HTRA1: variants seen among roughly 807,000 people sequenced by gnomAD.
HTRA1 encodes serine protease HTRA1.
A neutral mutation model predicts 49.7 loss-of-function variants in HTRA1; 26 were observed. The ratio of observed to expected loss-of-function variants is 0.52; its 90% CI spans 0.38 to 0.73. HTRA1 has a LOEUF of 0.73. Among genes scored for constraint, HTRA1 ranks in the 30% least tolerant of loss-of-function variants. The pLI is 0.00. For missense variants in HTRA1, 561 were observed against 667.2 expected (o/e 0.84, Z 1.75); for synonymous variants, 291 against 286.9 (o/e 1.01, Z -0.14).
chr10:122,492,988 C>G (rs1341372610), intron 3 of HTRA1, among the ~76,000 whole-genome samples: 4 of 152,210 alleles, frequency 2.6e-5, no homozygotes, highest in Non-Finnish European at 5.9e-5. Context: ...ATCTGCTTTT[C>G]CTCCCATTCT....
rs987618804 is a variant in HTRA1, at chr10:122,490,450, C to T, written c.777+824C>T. On this transcript the variant is annotated intron_variant, in intron 3 of 8. Transcript: ENST00000368984. This position sits in a 1 kb window ranked among gnomAD's most constrained non-coding sequence, Gnocchi z 4.2. ...TGTCTGGGACAATATCCATTTCTTA[C>T]TGACTCATCAAAAACCCCCACTCGA... Among the ~76,000 whole-genome samples the T allele has an allele frequency of 6.6e-6, 1 of 152,178 alleles. No homozygotes were observed.
chr10:122,489,512 G>A lies in HTRA1; in HGVS notation c.663G>A (p.Val221=), dbSNP rs767052701. The change falls in exon 3 of 9, where the codon GTG becomes GTA. Residue 221 remains valine (V), a synonymous_variant. Transcript: ENST00000368984. ...GACTGATCGTGACAAATGCCCACGT[G>A]GTGACCAACAAGCACCGGGTCAAAG... The part of the protein sequence containing the change: ...EDGLIVTNAH[V]VTNKHRVKVE... The A allele has an allele frequency of 3.1e-6, 5 of 1,614,166 alleles. No individual in the cohort carries two copies. In the East Asian group the frequency reaches 1.1e-4, roughly 36 times the overall value.
chr10:122,478,265 G>A (rs899831084), intron 1 of HTRA1, among the ~76,000 whole-genome samples: 2 of 152,118 alleles, frequency 1.3e-5, no homozygotes, highest in African/African-American at 2.4e-5. Flanking sequence ...TGCCTGGGCT[G>A]CACAGCTTGC....
In HTRA1 at chr10:122,499,020, C is replaced by T. The variant is rs116341084; in HGVS notation, c.778-7671C>T. On this transcript the variant is annotated intron_variant, in intron 3 of 8. Coordinates refer to ENST00000368984, the MANE Select transcript of HTRA1 (RefSeq NM_002775.5). ...CAGTTCTAGGTTCCAGCTTGGGCAC[C>T]GCTTAACATCTTGGTGGTGCAGGGA... Among the ~76,000 whole-genome samples, 1,410 of 152,164 alleles carry T rather than the reference C, an allele frequency of 9.3e-3. 26 individuals carry two copies. The highest frequency in any genetic ancestry group is 0.032 in the African/African-American group (1,339 of 41,492).
At chr10:122,507,747 C>T (rs375513771) in intron 5 of HTRA1, among the ~76,000 whole-genome samples, 5 of 152,136 alleles carry the variant, frequency 3.3e-5, no homozygotes, top group Non-Finnish European at 5.9e-5. Flanking sequence ...GGCCAGTCAC[C>T]GAAAGCACCT....
chr10:122,508,755 G>T lies in HTRA1; in HGVS notation c.1105G>T (p.Asp369Tyr). ...TAAAAAGTTCCTCACGGAGTCCCAT[G>T]ACCGACAGGCCAAAGGTAGGCAAGG... ...KIKKFLTESH[D>Y]RQAKGKAITK... is the part of the protein sequence containing the mutation. Residue 369 changes from aspartate (D) to tyrosine (Y), a missense_variant, in exon 6 of 9, where the codon GAC becomes TAC. Physicochemically the swap from Asp to Tyr is radical, Grantham distance 160 (BLOSUM62 -3). Coordinates refer to ENST00000368984, the MANE Select transcript of HTRA1 (RefSeq NM_002775.5). 6.2e-7 allele frequency: 1 copy of T among 1,610,276 alleles called. No individual in the cohort carries two copies. Among genetic ancestry groups the T allele is most frequent in the South Asian group, 1.1e-5 (1 of 90,968 alleles).
rs1259285601 is a variant in HTRA1, at chr10:122,461,832, C to A, written c.180C>A (p.Asp60Glu). 1.8e-6 allele frequency: 2 copies of A among 1,124,668 alleles called. No individual in the cohort carries two copies. The highest frequency in any genetic ancestry group is 1.1e-6 in the Non-Finnish European group (1 of 922,258). 69.7% of individuals were successfully genotyped at this position (1,124,668 alleles called of 1,614,324 possible). Residue 60 changes from aspartate to glutamate, a missense_variant, in exon 1 of 9, where the codon GAC becomes GAA. This residue lies in a region of HTRA1 where 111 missense variants were observed against 83.7 expected (regional missense o/e 1.33). Transcript: ENST00000368984. ...PEHCEGGRAR[D>E]ACGCCEVCGA... Reference sequence around the variant, plus strand: ...ACTGCGAGGGCGGCCGGGCCCGGGACGCGTGCGGCTGCTGCGAGGTGTGCG... The same window carrying A: ...ACTGCGAGGGCGGCCGGGCCCGGGAAGCGTGCGGCTGCTGCGAGGTGTGCG...
intron 1 of HTRA1, 147 bp downstream of exon 1, chr10:122,462,271 G>T (rs1293453876): frequency 2.7e-6 from 2 of 743,228 alleles, no homozygotes. Flanking sequence ...GGGCCCCGGG[G>T]TGGCGGATTT....
chr10:122,485,380 C>T (rs190194249), intron 1 of HTRA1, among the ~76,000 whole-genome samples: 180 of 152,316 alleles, frequency 1.2e-3, no homozygotes, highest in African/African-American at 4.1e-3. Context: ...TTTCTGTTTC[C>T]TCATCTGCAG....
Position 122,506,657 on chromosome 10 carries a change from A to T in HTRA1, c.778-34A>T. 1 of 1,596,624 alleles carries T rather than the reference A, an allele frequency of 6.3e-7. No homozygotes were observed. The highest frequency in any genetic ancestry group is 1.1e-5 in the South Asian group (1 of 90,836). ...GCCTTTACCTATTTGGTTAAATTAA[A>T]CCAACTCAGCAACGCCAGCCATTGT... is the stretch of plus-strand genomic sequence containing the variant. On this transcript the variant is annotated intron_variant, in intron 3 of 8. Transcript: ENST00000368984. The surrounding 1 kb of genome is among the most constrained non-coding windows in gnomAD (Gnocchi z 5.2).
chr10:122,478,415 C>T (rs1015773952), intron 1 of HTRA1, among the ~76,000 whole-genome samples: 8 of 48,042 alleles, frequency 1.7e-4, no homozygotes, highest in East Asian at 1.1e-3. Context: ...TTTTTTGAGA[C>T]GGACTCTCAC....
intron 1 of HTRA1, among the ~76,000 whole-genome samples, chr10:122,478,040 A>G (rs1056333252): frequency 6.6e-6 from 1 of 152,164 alleles, no homozygotes; most frequent in East Asian, 1.9e-4. Context: ...CAATCCAGCC[A>G]TATTTTTGGC....
chr10:122,477,631 C>A (rs1291098687), intron 1 of HTRA1, among the ~76,000 whole-genome samples: 3 of 152,216 alleles, frequency 2.0e-5, no homozygotes, highest in African/African-American at 7.2e-5. Context: ...TGACTGGTGT[C>A]TAGCAGCCCT....
intron 1 of HTRA1, among the ~76,000 whole-genome samples, chr10:122,483,326 T>C (rs531488684): frequency 6.6e-6 from 1 of 152,114 alleles, no homozygotes; most frequent in South Asian, 2.2e-4. Context: ...CTTGGCAATT[T>C]TTAAACTATA....
chr10:122,510,761 TA>T (rs1420373470), intron 7 of HTRA1, among the ~76,000 whole-genome samples: 1 of 152,210 alleles, frequency 6.6e-6, no homozygotes, highest in African/African-American at 2.4e-5. Context: ...CTGGCATGGC[TA>T]AAACTGTCAG....
intron 3 of HTRA1, among the ~76,000 whole-genome samples, chr10:122,496,293 A>G (rs181430847): frequency 1.1e-4 from 13 of 119,758 alleles, no homozygotes; most frequent in Non-Finnish European, 2.0e-4. Context: ...TCACAATAGC[A>G]GAGGGAGGCC....
At chr10:122,495,786 A>C (rs1405580023) in intron 3 of HTRA1, among the ~76,000 whole-genome samples, 1 of 152,104 alleles carries the variant, frequency 6.6e-6, no homozygotes, top group Non-Finnish European at 1.5e-5. Flanking sequence ...TGTCCTCTTC[A>C]TTGAGGGGGG....
At position 122,514,684 on chromosome 10, in the gene HTRA1, A is replaced by G. The variant is rs1340475282; in HGVS notation, c.*325A>G. The G allele has an allele frequency of 5.4e-6, 2 of 371,368 alleles. No individual in the cohort carries two copies. Among genetic ancestry groups the G allele is most frequent in the South Asian group, 4.5e-5 (2 of 44,800 alleles). The allele number at this position is 371,368 out of a possible 1,614,324, so 23.0% of individuals were successfully genotyped here. A position where few individuals can be genotyped will look rare whatever the true frequency, so the allele number is the denominator to read the frequency against. On this transcript the variant is annotated 3_prime_UTR_variant, in exon 9 of 9. Coordinates refer to ENST00000368984, the MANE Select transcript of HTRA1 (RefSeq NM_002775.5). The stretch of plus-strand genomic sequence containing the variant: ...GTCATCATCTTAGTCCAACTAATGC[A>G]GTCGATACAATGCGTAGATAGAAGA...
In HTRA1 at chr10:122,514,341, C is replaced by T. The variant is rs779158785; in HGVS notation, c.1425C>T (p.Pro475=). The change falls in exon 9 of 9, where the codon CCC becomes CCT. Residue 475 remains proline, a synonymous_variant. Transcript: ENST00000368984. ...GNEDIMITVI[P]EEIDP ...AAGATATCATGATCACAGTGATTCCCGAAGAAATTGACCCATAGGCAGAGG... is the reference window on the plus strand; with the variant it reads ...AAGATATCATGATCACAGTGATTCCTGAAGAAATTGACCCATAGGCAGAGG... 1.5e-5 allele frequency: 24 copies of T among 1,613,954 alleles called. No individual in the cohort carries two copies. The highest frequency in any genetic ancestry group is 5.0e-5 in the Admixed American group (3 of 59,992).
Sources: gnomAD v4.1 joint callset for allele counts (sites outside exome capture counted in the v4.1 genomes callset) on GRCh38, gnomAD v4.1.1 for gene constraint, gnomAD v4.1.1 regional missense constraint, Gnocchi (gnomAD v3.1) non-coding constraint, MANE v1.5 for transcripts, NCBI Gene and HGNC (gene_info 2026-07-23, HGNC 2026-07-21) for gene names.